The following RAE1 variants were observed in gnomAD, a reference collection of about 807,000 sequenced individuals.
RAE1 encodes the protein mRNA export factor RAE1.
A neutral mutation model predicts 52.7 loss-of-function variants in RAE1; 13 were observed. The ratio of observed to expected loss-of-function variants is 0.25; its 90% CI spans 0.16 to 0.39. The LOEUF (loss-of-function observed/expected upper bound fraction) is 0.39. Among genes scored for constraint, RAE1 ranks in the 10% least tolerant of loss-of-function variants. RAE1 has a pLI of 1.00. For synonymous variants in RAE1, 164 were observed against 153.1 expected (o/e 1.07, Z -0.52); for missense variants, 262 against 459.8 (o/e 0.57, Z 3.93).
At chr20:57,373,899 TTTG>T (rs922035832) in intron 10 of RAE1, among the ~76,000 whole-genome samples, 161 bp downstream of exon 10, 5 of 152,186 alleles carry the variant, frequency 3.3e-5, no homozygotes, top group African/African-American at 1.2e-4. Context: ...TCTGTGGATT[TTTG>T]TTGTTGTTTT....
At chr20:57,357,690 A>G (rs1362526517) in intron 4 of RAE1, 1 of 152,232 alleles carries the variant, frequency 6.6e-6, no homozygotes, top group Non-Finnish European at 1.5e-5. Context: ...TTATGATAAT[A>G]TTCATGTATT....
intron 1 of RAE1, among the ~76,000 whole-genome samples, chr20:57,353,586 G>A (rs74412809): frequency 0.04 from 6,065 of 152,332 alleles, 181 homozygotes; most frequent in African/African-American, 0.089. Flanking sequence ...GAAATTAGTA[G>A]GAAAGTGAAT....
chr20:57,371,334 C>T (rs1292639606), intron 8 of RAE1: 1 of 152,188 alleles, frequency 6.6e-6, no homozygotes, highest in African/African-American at 2.4e-5. Context: ...GGATTGATTT[C>T]CAAAATACGT....
intron 1 of RAE1, 190 bp downstream of exon 1, chr20:57,351,612 TC>T (rs1473536011): frequency 3.0e-6 from 3 of 985,564 alleles, no homozygotes; most frequent in Non-Finnish European, 3.6e-6. Flanking sequence ...TAGGGCCTAA[TC>T]CATCGTTTCT....
intron 11 of RAE1, among the ~76,000 whole-genome samples, chr20:57,375,819 G>A (rs1489860155): frequency 4.6e-5 from 7 of 152,072 alleles, no homozygotes; most frequent in African/African-American, 1.2e-4. Context: ...TCACTCACCC[G>A]TCCCTTCCTG....
chr20:57,374,888 T>A, intron 11 of RAE1, 87 bp downstream of exon 11: 2 of 1,434,320 alleles, frequency 1.4e-6, no homozygotes, highest in South Asian at 1.2e-5. Context: ...GTTGTGACTC[T>A]TCTCAGGACT....
In RAE1 at chr20:57,373,656, C is replaced by G; in HGVS notation, c.750-7C>G. The G allele has an allele frequency of 6.2e-7, 1 of 1,614,080 alleles. No homozygotes were observed. The highest frequency in any genetic ancestry group is 8.5e-7 in the Non-Finnish European group (1 of 1,179,930). ...AAGGAAGACTTACATGAACCTTTGT[C>G]TTTCAGCGCCAAAGATAACTTCACC... On this transcript the variant is annotated splice_polypyrimidine_tract_variant and splice_region_variant and intron_variant, in intron 9 of 11. Coordinates refer to ENST00000395841, the MANE Select transcript of RAE1 (RefSeq NM_003610.4).
At chr20:57,366,695 G>C in intron 5 of RAE1, 112 bp from the exon 6 acceptor site, 2 of 1,050,938 alleles carry the variant, frequency 1.9e-6, no homozygotes, top group Non-Finnish European at 2.9e-6. Context: ...GTTTTTGTTT[G>C]GTATGGCCCC....
intron 8 of RAE1, chr20:57,371,060 T>C (rs1193305686): frequency 6.6e-6 from 1 of 152,222 alleles, no homozygotes; most frequent in East Asian, 1.9e-4. Flanking sequence ...TGAAATTATT[T>C]GGGAATCTGT....
At chr20:57,376,727 T>C (rs1211211353) in intron 11 of RAE1, among the ~76,000 whole-genome samples, 1 of 152,246 alleles carries the variant, frequency 6.6e-6, no homozygotes, top group African/African-American at 2.4e-5. Context: ...GCCCGAGGCC[T>C]CAGCTCCCAC....
chr20:57,377,755 TGAAAAG>T (rs1423660371), intron 11 of RAE1, among the ~76,000 whole-genome samples: 1 of 151,380 alleles, frequency 6.6e-6, no homozygotes, highest in African/African-American at 2.4e-5. Flanking sequence ...GGCTCAGTGT[TGAAAAG>T]GAACTCACAG....
intron 7 of RAE1, 51 bp downstream of exon 7, chr20:57,367,130 A>C: frequency 6.9e-7 from 1 of 1,439,388 alleles, no homozygotes; most frequent in Non-Finnish European, 9.5e-7. Context: ...AAACAAAATA[A>C]GTATTCTCAC....
chr20:57,357,592 G>C lies in RAE1; in HGVS notation c.288+1054G>C, dbSNP rs570879188. The C allele has an allele frequency of 4.6e-5, 7 of 152,184 alleles. No homozygotes were observed. The East Asian group carries it at 1.3e-3, about 29-fold the overall frequency. The allele number at this position is 152,184 out of a possible 1,614,324, so 9.4% of individuals were successfully genotyped here. ...TGTAAGAAGAGAGTGGTTTAGAAGGGTCTTGGTAATTAAATTTGTGGTATA... is the reference window on the plus strand; with the variant it reads ...TGTAAGAAGAGAGTGGTTTAGAAGGCTCTTGGTAATTAAATTTGTGGTATA... On this transcript the variant is annotated intron_variant, in intron 4 of 11. Transcript: ENST00000395841.
intron 3 of RAE1, among the ~76,000 whole-genome samples, chr20:57,356,092 A>C (rs959770478): frequency 6.6e-6 from 1 of 152,116 alleles, no homozygotes; most frequent in Non-Finnish European, 1.5e-5. Flanking sequence ...TTTTTAACGG[A>C]GGGGAGATTA....
At chr20:57,377,981 A>T in intron 11 of RAE1, 32 bp from the exon 12 acceptor site, 1 of 1,503,908 alleles carries the variant, frequency 6.6e-7, no homozygotes, top group Non-Finnish European at 9.1e-7. Context: ...CTTTTGAATA[A>T]TAAGATCATT....
Position 57,378,964 on chromosome 20 carries a change from TA to T in RAE1, c.*869del, listed in dbSNP as rs1413496991. ...CTGTTCTTTTGTATTTTGTGTAATT[TA>T]AAATTCCTGGTTGGTAAGTATTCAA... On this transcript the variant is annotated 3_prime_UTR_variant, in exon 12 of 12. Coordinates refer to ENST00000395841, the MANE Select transcript of RAE1 (RefSeq NM_003610.4). The T allele has an allele frequency of 6.6e-6, 1 of 152,242 alleles. No individual in the cohort carries two copies. The highest frequency in any genetic ancestry group is 2.4e-5 in the African/African-American group (1 of 41,466). The allele number at this position is 152,242 out of a possible 1,614,324, so 9.4% of individuals were successfully genotyped here.
In RAE1 at chr20:57,356,484, T is replaced by G; in HGVS notation, c.234T>G (p.Ile78Met). The change falls in exon 4 of 12, where the codon ATT becomes ATG. Residue 78 changes from isoleucine (I) to methionine (M), a missense_variant. Physicochemically the swap from Ile to Met is conservative, Grantham distance 10. Coordinates refer to ENST00000395841, the MANE Select transcript of RAE1 (RefSeq NM_003610.4). ...CWEVQDSGQT[I>M]PKAQQMHTGP... ...AAGTTCAAGACAGTGGACAGACCATTCCAAAAGCCCAGCAGATGCACACTG... is the reference window on the plus strand; with the variant it reads ...AAGTTCAAGACAGTGGACAGACCATGCCAAAAGCCCAGCAGATGCACACTG... 6.2e-7 allele frequency: 1 copy of G among 1,613,480 alleles called. No individual in the cohort carries two copies. The highest frequency in any genetic ancestry group is 8.5e-7 in the Non-Finnish European group (1 of 1,179,586).
At chr20:57,357,721 A>G (rs1209867476) in intron 4 of RAE1, 1 of 152,208 alleles carries the variant, frequency 6.6e-6, no homozygotes, top group Non-Finnish European at 1.5e-5. Context: ...GAAGGGGGCA[A>G]ATGAGCCTGC....
intron 8 of RAE1, 135 bp downstream of exon 8, chr20:57,368,947 CA>C (rs2066996206): frequency 1.4e-6 from 1 of 691,080 alleles, no homozygotes; most frequent in Non-Finnish European, 2.5e-6. Flanking sequence ...AGGATATAAA[CA>C]CAAATACTTA....
Sources: allele counts gnomAD v4.1 joint callset (sites outside exome capture counted in the v4.1 genomes callset), GRCh38; gene constraint gnomAD v4.1.1; transcripts MANE v1.5; gene names NCBI Gene and HGNC (gene_info 2026-07-23, HGNC 2026-07-21).